The following SNX24 variants were observed in gnomAD, a reference collection of about 807,000 sequenced individuals.
SNX24 encodes the protein sorting nexin-24.
Under a neutral mutation model 28.7 loss-of-function variants are expected in SNX24, and 22 were observed. The observed-to-expected ratio is 0.77, with a 90% CI of 0.55 to 1.10. The LOEUF (loss-of-function observed/expected upper bound fraction) is 1.10, where lower values mean the gene tolerates loss of function less well. SNX24 is among the 50% of genes least tolerant of loss of function. The pLI is 0.00. For synonymous variants in SNX24, 69 were observed against 71.5 expected, an observed-to-expected ratio of 0.96 and a Z score of 0.18; for missense variants, 221 against 201.1, an observed-to-expected ratio of 1.10 and a Z score of -0.60.
chr5:122,926,168 A>C lies in SNX24; in HGVS notation c.61-10566A>C, dbSNP rs76895637. On this transcript the variant is annotated intron_variant, in intron 1 of 6. Transcript: ENST00000261369. The stretch of plus-strand genomic sequence containing the variant: ...TCTGAAAACATGACCTGGAACAACA[A>C]CTGAACAGAATGAGGGAGAAGCTTT... 4.6e-3 allele frequency among the ~76,000 whole-genome samples: 705 copies of C among 152,314 alleles called. 8 individuals carry two copies. The highest frequency in any genetic ancestry group is 0.016 in the African/African-American group (666 of 41,560).
intron 3 of SNX24, among the ~76,000 whole-genome samples, chr5:122,970,342 A>G (rs1275554804): frequency 2.6e-5 from 4 of 152,020 alleles, no homozygotes; most frequent in Non-Finnish European, 5.9e-5. Flanking sequence ...AGAATGCGGC[A>G]TACTCTTGCT....
chr5:122,975,228 C>G (rs1040976753), intron 3 of SNX24, among the ~76,000 whole-genome samples: 12 of 152,238 alleles, frequency 7.9e-5, no homozygotes, highest in Non-Finnish European at 4.4e-5. Context: ...TGTCACCCAT[C>G]TGGGCTCCCC....
intron 3 of SNX24, among the ~76,000 whole-genome samples, chr5:122,987,599 C>A (rs1255268066): frequency 2.0e-5 from 3 of 152,082 alleles, no homozygotes; most frequent in African/African-American, 7.2e-5. Context: ...CCGAGTACAG[C>A]AGAGGGAGAG....
intron 3 of SNX24, chr5:122,965,448 T>TGTGG (rs1561667023): frequency 2.2e-6 from 1 of 455,494 alleles, no homozygotes; most frequent in Non-Finnish European, 4.4e-6. Context: ...CCAAGAGAAA[T>TGTGG]GTGGGTGCTT....
chr5:122,866,359 G>A (rs1755722607), intron 1 of SNX24, among the ~76,000 whole-genome samples: 1 of 152,180 alleles, frequency 6.6e-6, no homozygotes, highest in South Asian at 2.1e-4. Context: ...ATATTGGCCA[G>A]GCTGGTCTGG....
intron 1 of SNX24, among the ~76,000 whole-genome samples, chr5:122,871,540 G>T (rs986354788): frequency 6.6e-6 from 1 of 152,126 alleles, no homozygotes; most frequent in Non-Finnish European, 1.5e-5. Flanking sequence ...GGCGGAGGTG[G>T]GTGGATCACT....
intron 1 of SNX24, among the ~76,000 whole-genome samples, chr5:122,908,988 A>G (rs1757765549): frequency 6.6e-6 from 1 of 152,180 alleles, no homozygotes; most frequent in Admixed American, 6.5e-5. Flanking sequence ...AAAGGTTGTG[A>G]TTGCGAGACT....
At chr5:122,929,804 T>C (rs1185186164) in intron 1 of SNX24, among the ~76,000 whole-genome samples, 1 of 152,084 alleles carries the variant, frequency 6.6e-6, no homozygotes, top group African/African-American at 2.4e-5. Flanking sequence ...ATCGCAAAGC[T>C]ACATTTTAGG....
intron 1 of SNX24, among the ~76,000 whole-genome samples, chr5:122,878,674 G>A (rs557613737): frequency 5.9e-5 from 9 of 152,212 alleles, no homozygotes; most frequent in Admixed American, 3.9e-4. Context: ...GAGCAGTCCC[G>A]TAGAAATATA....
At chr5:123,009,236 C>T (rs404442), downstream of SNX24, 295,891 of 980,332 alleles carry the variant, frequency 0.3, 47,748 homozygotes, top group Non-Finnish European at 0.33. Flanking sequence ...TAAGATTTCA[C>T]TGGAAACATG....
At chr5:122,913,060 CAGA>C (rs1282806772) in intron 1 of SNX24, among the ~76,000 whole-genome samples, 1 of 152,152 alleles carries the variant, frequency 6.6e-6, no homozygotes, top group Non-Finnish European at 1.5e-5. Flanking sequence ...GATCCCAAGG[CAGA>C]AGAATTTTTC....
At chr5:122,954,423 G>A (rs1346759097) in intron 3 of SNX24, among the ~76,000 whole-genome samples, 1 of 151,414 alleles carries the variant, frequency 6.6e-6, no homozygotes, top group Non-Finnish European at 1.5e-5. Flanking sequence ...TATCATTATT[G>A]ATATAATTGG....
intron 1 of SNX24, among the ~76,000 whole-genome samples, chr5:122,862,831 A>G (rs1028807262): frequency 2.6e-5 from 4 of 152,152 alleles, no homozygotes; most frequent in African/African-American, 9.7e-5. Context: ...TCAATTTGGC[A>G]GTATATATTA....
At chr5:122,970,024 T>C (rs1405190725) in intron 3 of SNX24, among the ~76,000 whole-genome samples, 1 of 152,030 alleles carries the variant, frequency 6.6e-6, no homozygotes, top group Admixed American at 6.6e-5. Flanking sequence ...GACTGTGCCC[T>C]GGAAGCTATT....
intron 2 of SNX24, among the ~76,000 whole-genome samples, chr5:122,939,910 T>C (rs1193322988): frequency 6.6e-6 from 1 of 152,214 alleles, no homozygotes; most frequent in Non-Finnish European, 1.5e-5. Flanking sequence ...GTTTTAAACC[T>C]TCAAGTGTGT....
chr5:122,897,039 T>G (rs763443328), intron 1 of SNX24, among the ~76,000 whole-genome samples: 1 of 152,372 alleles, frequency 6.6e-6, no homozygotes, highest in African/African-American at 2.4e-5. Context: ...TCCTCTTGCT[T>G]CTTTCTAGTA....
At chr5:122,962,970 A>G (rs991477045) in intron 3 of SNX24, among the ~76,000 whole-genome samples, 1 of 152,200 alleles carries the variant, frequency 6.6e-6, no homozygotes, top group African/African-American at 2.4e-5. Flanking sequence ...ATGGTGGCTC[A>G]TGCCTGTAAT....
intron 1 of SNX24, among the ~76,000 whole-genome samples, chr5:122,895,613 G>T (rs1453234755): frequency 2.0e-5 from 3 of 152,172 alleles, no homozygotes; most frequent in Non-Finnish European, 4.4e-5. Flanking sequence ...ATCATCCCCC[G>T]CAGGGGACAC....
At chr5:122,965,161 A>T (rs769174633) in intron 3 of SNX24, among the ~76,000 whole-genome samples, 2 of 152,242 alleles carry the variant, frequency 1.3e-5, no homozygotes, top group African/African-American at 2.4e-5. Flanking sequence ...CTTTCCAATT[A>T]CTTAGTTCAT....
Sources: gnomAD v4.1 joint callset for allele counts (sites outside exome capture counted in the v4.1 genomes callset) on GRCh38, gnomAD v4.1.1 for gene constraint, MANE v1.5 for transcripts, NCBI Gene and HGNC (gene_info 2026-07-23, HGNC 2026-07-21) for gene names.